B3GALT1: variants seen among roughly 807,000 people sequenced by gnomAD.
The protein encoded by B3GALT1 is beta-1,3-galactosyltransferase 1.
A neutral mutation model predicts 23.2 loss-of-function variants in B3GALT1; 10 were observed. The observed-to-expected ratio is 0.43, with a 90% confidence interval of 0.27 to 0.73. The LOEUF (loss-of-function observed/expected upper bound fraction) is 0.73. B3GALT1 is among the 30% of genes least tolerant of loss of function. The pLI is 0.21. For missense variants in B3GALT1, 299 were observed against 405.4 expected, an observed-to-expected ratio of 0.74 and a Z score of 2.25; for synonymous variants, 156 against 141.5, an observed-to-expected ratio of 1.10 and a Z score of -0.73.
chr2:167,451,094 C>G (rs141591776), intron 1 of B3GALT1, among the ~76,000 whole-genome samples: 2 of 151,930 alleles, frequency 1.3e-5, no homozygotes, highest in African/African-American at 4.8e-5. Context: ...CCCCTCATTT[C>G]TTGTATATAT....
At chr2:167,821,536 G>GTGAT (rs1689107232) in intron 4 of B3GALT1, among the ~76,000 whole-genome samples, 1 of 149,542 alleles carries the variant, frequency 6.7e-6, no homozygotes, top group East Asian at 2.0e-4. Flanking sequence ...CTGGGTTCAA[G>GTGAT]TGATTCTCCT....
chr2:167,598,685 A>G (rs1215198215), intron 2 of B3GALT1, among the ~76,000 whole-genome samples: 1 of 152,090 alleles, frequency 6.6e-6, no homozygotes, highest in African/African-American at 2.4e-5. Context: ...ACACATTCTC[A>G]TGTGATGTGT....
chr2:167,328,909 T>G (rs1681097132), intron 1 of B3GALT1, among the ~76,000 whole-genome samples: 1 of 152,260 alleles, frequency 6.6e-6, no homozygotes, highest in South Asian at 2.1e-4. Context: ...GCCTCCTAGA[T>G]TCAAACAATT....
intron 1 of B3GALT1, among the ~76,000 whole-genome samples, chr2:167,445,724 G>T (rs1216502909): frequency 1.3e-5 from 2 of 151,842 alleles, no homozygotes; most frequent in Non-Finnish European, 1.5e-5. Context: ...TGGTAGATCT[G>T]CCTCCATCCC....
chr2:167,842,929 T>A (rs1177200189), intron 4 of B3GALT1, among the ~76,000 whole-genome samples: 3 of 152,160 alleles, frequency 2.0e-5, no homozygotes, highest in Non-Finnish European at 4.4e-5. Flanking sequence ...TTAAGTGCCT[T>A]TCTGACATTT....
chr2:167,819,129 AC>A (rs534063052), intron 4 of B3GALT1, among the ~76,000 whole-genome samples: 52 of 152,306 alleles, frequency 3.4e-4, no homozygotes, highest in African/African-American at 1.2e-3. Flanking sequence ...ATTCATACTT[AC>A]AAGTGTCTAT....
intron 2 of B3GALT1, among the ~76,000 whole-genome samples, chr2:167,497,050 A>G (rs531003758): frequency 1.3e-5 from 2 of 150,852 alleles, no homozygotes; most frequent in Non-Finnish European, 2.9e-5. Context: ...AACTTAAACT[A>G]TAATAAAAAA....
At chr2:167,753,487 A>T (rs1173518274) in intron 3 of B3GALT1, among the ~76,000 whole-genome samples, 1 of 152,162 alleles carries the variant, frequency 6.6e-6, no homozygotes, top group Non-Finnish European at 1.5e-5. Flanking sequence ...GAGAGAATTC[A>T]GACATCTAAA....
intron 3 of B3GALT1, among the ~76,000 whole-genome samples, chr2:167,723,563 C>G (rs1687265461): frequency 6.6e-6 from 1 of 151,032 alleles, no homozygotes; most frequent in Non-Finnish European, 1.5e-5. Flanking sequence ...AAGTCTCACT[C>G]TGTTGCCCCC....
At chr2:167,656,844 C>G (rs1162995545) in intron 3 of B3GALT1, among the ~76,000 whole-genome samples, 1 of 151,824 alleles carries the variant, frequency 6.6e-6, no homozygotes, top group African/African-American at 2.4e-5. Flanking sequence ...AGTTGGAACC[C>G]CTAAAGGATG....
intron 1 of B3GALT1, among the ~76,000 whole-genome samples, chr2:167,440,203 C>T (rs192123829): frequency 1.3e-3 from 192 of 151,748 alleles, no homozygotes; most frequent in Admixed American, 0.012. Context: ...ATTAGCCAGG[C>T]GTGGTGGCGG....
chr2:167,384,320 T>C (rs1331842390), intron 1 of B3GALT1, among the ~76,000 whole-genome samples: 2 of 152,206 alleles, frequency 1.3e-5, no homozygotes, highest in Admixed American at 6.5e-5. Flanking sequence ...TACAGATGCA[T>C]GCCAGATAAA....
At chr2:167,509,289 A>G (rs1387956595) in intron 2 of B3GALT1, among the ~76,000 whole-genome samples, 1 of 152,198 alleles carries the variant, frequency 6.6e-6, no homozygotes, top group East Asian at 1.9e-4. Context: ...TAAATATCAA[A>G]TGAAATGACA....
intron 1 of B3GALT1, among the ~76,000 whole-genome samples, chr2:167,354,948 C>G (rs963079148): frequency 2.6e-5 from 4 of 152,200 alleles, no homozygotes; most frequent in African/African-American, 4.8e-5. Flanking sequence ...TATGCAGAGT[C>G]TAGACTGACA....
intron 3 of B3GALT1, among the ~76,000 whole-genome samples, chr2:167,665,600 T>C (rs1686162674): frequency 6.6e-6 from 1 of 151,830 alleles, no homozygotes; most frequent in Non-Finnish European, 1.5e-5. Flanking sequence ...TCCTGGACTC[T>C]TTTTGGTTGG....
chr2:167,858,976 A>C (rs1386296103), intron 4 of B3GALT1, among the ~76,000 whole-genome samples: 2 of 152,182 alleles, frequency 1.3e-5, no homozygotes, highest in Non-Finnish European at 2.9e-5. Flanking sequence ...TTCTAAGAAT[A>C]TCCATTAATA....
chr2:167,314,053 T>C (rs776211214), intron 1 of B3GALT1, among the ~76,000 whole-genome samples: 1 of 152,120 alleles, frequency 6.6e-6, no homozygotes, highest in South Asian at 2.1e-4. Flanking sequence ...CTTAATACTT[T>C]ACACACAAAA....
intron 2 of B3GALT1, among the ~76,000 whole-genome samples, chr2:167,613,198 A>C (rs534137123): frequency 3.9e-4 from 59 of 152,060 alleles, no homozygotes; most frequent in Non-Finnish European, 7.8e-4. Context: ...ATCCTACGTA[A>C]ATAATTGAAA....
Position 167,467,661 on chromosome 2 carries a change from G to A in B3GALT1, c.-510-22516G>A, listed in dbSNP as rs943813840. Among the ~76,000 whole-genome samples, 4 of 152,142 alleles carry A rather than the reference G, an allele frequency of 2.6e-5. No individual in the cohort carries two copies. The South Asian group carries it at 6.2e-4, about 24-fold the overall frequency. On this transcript the variant is annotated intron_variant, in intron 1 of 4. Coordinates refer to ENST00000392690, the MANE Select transcript of B3GALT1 (RefSeq NM_020981.4). ...GGCTTTTAAATCAAAATGCCATTTTGTGTAGAATTTGTATTTTGTTTGTCA... is the reference window on the plus strand; with the variant it reads ...GGCTTTTAAATCAAAATGCCATTTTATGTAGAATTTGTATTTTGTTTGTCA...
Sources: gnomAD v4.1 joint callset for allele counts (sites outside exome capture counted in the v4.1 genomes callset) on GRCh38, gnomAD v4.1.1 for gene constraint, MANE v1.5 for transcripts, NCBI Gene and HGNC (gene_info 2026-07-23, HGNC 2026-07-21) for gene names.